MPHOSPH9: variants seen among roughly 807,000 people sequenced by gnomAD.
MPHOSPH9 encodes M-phase phosphoprotein 9.
Under a neutral mutation model 145.5 loss-of-function variants are expected in MPHOSPH9, and 88 were observed. That is an observed-to-expected ratio of 0.60 (90% CI 0.51 to 0.72). The LOEUF is 0.72. Ranked by LOEUF, MPHOSPH9 falls within the 30% of genes least tolerant of loss-of-function variation. The pLI is 0.00. For synonymous variants in MPHOSPH9, 435 were observed against 486.2 expected, an observed-to-expected ratio of 0.89 and a Z score of 1.39; for missense variants, 1,238 against 1,386.6, an observed-to-expected ratio of 0.89 and a Z score of 1.70.
intron 6 of MPHOSPH9, among the ~76,000 whole-genome samples, chr12:123,218,044 C>CAA (rs34652752): frequency 3.6e-4 from 41 of 113,788 alleles, no homozygotes; most frequent in Non-Finnish European, 5.4e-4. Context: ...GACTCCATCT[C>CAA]AAAAAAAAAA....
At chr12:123,174,526 C>A (rs1163784276) in intron 16 of MPHOSPH9, among the ~76,000 whole-genome samples, 1 of 152,040 alleles carries the variant, frequency 6.6e-6, no homozygotes, top group Admixed American at 6.6e-5. Flanking sequence ...GCGCCCGCCA[C>A]CACACCCGGC....
At chr12:123,222,968 GTGTGTGTGTGTGTA>G in intron 4 of MPHOSPH9, 56 bp downstream of exon 4, 4 of 742,468 alleles carry the variant, frequency 5.4e-6, no homozygotes, top group Non-Finnish European at 8.2e-6. Flanking sequence ...ATATATGTGT[GTGTGTGTGTGTGTA>G]TATGTACGTA....
intron 1 of MPHOSPH9, among the ~76,000 whole-genome samples, chr12:123,232,026 T>TG (rs1208194236): frequency 1.3e-5 from 2 of 150,764 alleles, no homozygotes; most frequent in African/African-American, 4.9e-5. Flanking sequence ...CAGGAGTGAA[T>TG]GCAAAGGGTA....
At chr12:123,222,158 C>T (rs1449196066) in intron 4 of MPHOSPH9, among the ~76,000 whole-genome samples, 3 of 146,944 alleles carry the variant, frequency 2.0e-5, no homozygotes, top group African/African-American at 5.0e-5. Context: ...CACGGTGAAA[C>T]TCTGACTCTA....
rs551726462 is a variant in MPHOSPH9 at position 123,195,628 on chromosome 12, T to C, written c.2026-1027A>G. Among the ~76,000 whole-genome samples the C allele has an allele frequency of 2.0e-5, 3 of 151,898 alleles. No individual in the cohort carries two copies. In the South Asian group the frequency reaches 6.2e-4, roughly 32 times the overall value. On this transcript the variant is annotated intron_variant, in intron 12 of 23. Coordinates refer to ENST00000606320, the MANE Select transcript of MPHOSPH9 (RefSeq NM_022782.4). ...TACAGGAAATTAAAAACCCATCTGA[T>C]ATGTTAATATTCACTCAACAATCAT...
chr12:123,199,093 CCTT>C (rs1286871863), intron 11 of MPHOSPH9, among the ~76,000 whole-genome samples: 2 of 151,762 alleles, frequency 1.3e-5, no homozygotes, highest in African/African-American at 4.8e-5. Context: ...GCAGACTTAA[CCTT>C]CTGGGATCAA....
At chr12:123,235,881 T>C (rs1275736529), upstream of MPHOSPH9, among the ~76,000 whole-genome samples, 1 of 151,352 alleles carries the variant, frequency 6.6e-6, no homozygotes, top group Non-Finnish European at 1.5e-5. Flanking sequence ...CTGGCCAACA[T>C]GGTGAAACCC....
intron 16 of MPHOSPH9, among the ~76,000 whole-genome samples, chr12:123,172,337 CTTT>C (rs564906823): frequency 1.4e-5 from 2 of 146,020 alleles, no homozygotes; most frequent in African/African-American, 2.5e-5. Flanking sequence ...AATTTTCTTT[CTTT>C]TTTTTTTTTT....
intron 2 of MPHOSPH9, among the ~76,000 whole-genome samples, chr12:123,228,054 G>A (rs898987206): frequency 1.3e-5 from 2 of 152,088 alleles, no homozygotes; most frequent in African/African-American, 4.8e-5. Context: ...AATTTGGTAC[G>A]ATAAGCTGAT....
downstream of MPHOSPH9, chr12:123,153,023 C>T (rs1405711455): frequency 1.3e-5 from 2 of 153,670 alleles, no homozygotes; most frequent in African/African-American, 4.8e-5. Flanking sequence ...CAGCAAAGCA[C>T]GTGGCTTTTC....
In MPHOSPH9 at chr12:123,163,132, T is replaced by G. The variant is rs774920990; in HGVS notation, c.2911A>C (p.Lys971Gln). ...ACTGGTGTTAGCATAATCTCTCTTT[T>G]TGCTATAGAAGAAAATGAAGAGGAA... ...PSNRKSSTPTKREIMLTPVTV... is the reference protein window; with the variant it reads ...PSNRKSSTPTQREIMLTPVTV... The change falls in exon 20 of 24, where the codon AAA becomes CAA. Residue 971 changes from lysine to glutamine, a missense_variant and splice_region_variant. Coordinates refer to ENST00000606320, the MANE Select transcript of MPHOSPH9 (RefSeq NM_022782.4). 1.3e-6 allele frequency: 2 copies of G among 1,576,624 alleles called. No individual in the cohort carries two copies. Among genetic ancestry groups the G allele is most frequent in the Non-Finnish European group, 1.7e-6 (2 of 1,168,272 alleles).
intron 20 of MPHOSPH9, 65 bp from the exon 21 acceptor site, chr12:123,162,283 C>T (rs1486271684): frequency 3.8e-6 from 3 of 784,826 alleles, no homozygotes; most frequent in Non-Finnish European, 5.7e-6. Flanking sequence ...ATCTCCACTA[C>T]AAAGATGAGC....
chr12:123,169,838 C>T (rs1291469850), intron 16 of MPHOSPH9, among the ~76,000 whole-genome samples: 2 of 152,020 alleles, frequency 1.3e-5, no homozygotes, highest in Non-Finnish European at 2.9e-5. Flanking sequence ...GATCTGCCCA[C>T]CTTGGCCTCC....
At chr12:123,166,142 G>A (rs1014824158) in intron 17 of MPHOSPH9, among the ~76,000 whole-genome samples, 9 of 152,170 alleles carry the variant, frequency 5.9e-5, no homozygotes, top group Admixed American at 4.6e-4. Flanking sequence ...GTCTCACTCT[G>A]TCACCCAGGC....
rs574159859 is a variant in MPHOSPH9, at chr12:123,162,603, C to G, written c.3030-385G>C. The stretch of plus-strand genomic sequence containing the variant: ...AACATCCCTCCCCGCTAATAGCACA[C>G]ACAGCTGCCCACACTTCGGAGGGGA... On this transcript the variant is annotated intron_variant, in intron 20 of 23. Transcript: ENST00000606320. The G allele has an allele frequency of 9.8e-5, 18 of 184,364 alleles. No homozygotes were observed. The South Asian group carries it at 2.4e-3, about 25-fold the overall frequency. 11.4% of individuals were successfully genotyped at this position (184,364 alleles called of 1,614,324 possible). A position where few individuals can be genotyped will look rare whatever the true frequency, so the allele number is the denominator to read the frequency against.
chr12:123,223,027 T>C lies in MPHOSPH9; in HGVS notation c.348+11A>G. On this transcript the variant is annotated intron_variant, in intron 4 of 23. Transcript: ENST00000606320. ...ATATAAAAAAAGGAATCAATGTAAA[T>C]GGTAACTTACTTGAATTTGGTTGTG... 1 of 1,498,004 alleles carries C rather than the reference T, an allele frequency of 6.7e-7. No homozygotes were observed. Among genetic ancestry groups the C allele is most frequent in the Non-Finnish European group, 8.9e-7 (1 of 1,121,036 alleles). The allele number at this position is 1,498,004 out of a possible 1,614,324, so 92.8% of individuals were successfully genotyped here.
intron 12 of MPHOSPH9, among the ~76,000 whole-genome samples, chr12:123,195,669 T>C (rs1223470307): frequency 6.6e-6 from 1 of 151,892 alleles, no homozygotes; most frequent in Non-Finnish European, 1.5e-5. Context: ...GAATACCCAC[T>C]AGGTGCTAGG....
intron 6 of MPHOSPH9, among the ~76,000 whole-genome samples, chr12:123,216,213 C>A (rs2046954238): frequency 6.6e-6 from 1 of 152,152 alleles, no homozygotes; most frequent in Admixed American, 6.6e-5. Flanking sequence ...ACCACAGACG[C>A]TTTTGTGGTT....
chr12:123,208,039 G>A (rs1193546248), intron 8 of MPHOSPH9, among the ~76,000 whole-genome samples: 2 of 151,304 alleles, frequency 1.3e-5, no homozygotes, highest in African/African-American at 2.4e-5. Flanking sequence ...CCAACATCAC[G>A]AAACTCCCTC....
Sources: gnomAD v4.1 joint callset for allele counts (sites outside exome capture counted in the v4.1 genomes callset) on GRCh38, gnomAD v4.1.1 for gene constraint, MANE v1.5 for transcripts, NCBI Gene and HGNC (gene_info 2026-07-23, HGNC 2026-07-21) for gene names.